GNAO1: variants seen among roughly 807,000 people sequenced by gnomAD.
GNAO1 encodes the protein guanine nucleotide-binding protein G(o) subunit alpha.
For missense variants in GNAO1, 166 were observed against 478.7 expected (o/e 0.35, Z 6.10); for synonymous variants, 164 against 180.7 (o/e 0.91, Z 0.74).
chr16:56,218,062 A>T (rs771720133), intron 2 of GNAO1, among the ~76,000 whole-genome samples: 6 of 152,266 alleles, frequency 3.9e-5, no homozygotes, highest in Non-Finnish European at 1.5e-5. Flanking sequence ...TAGCATTTTT[A>T]TCCTAATGTC....
At chr16:56,345,982 G>T (rs2037863446) in intron 6 of GNAO1, 2 of 985,500 alleles carry the variant, frequency 2.0e-6, no homozygotes, top group African/African-American at 3.5e-5. Context: ...AGAGCACCAG[G>T]CTGGGTCCAG....
intron 2 of GNAO1, among the ~76,000 whole-genome samples, chr16:56,256,710 C>G (rs941175221): frequency 1.0e-3 from 125 of 120,466 alleles, no homozygotes; most frequent in African/African-American, 3.6e-3. Flanking sequence ...CTCTCTCTCT[C>G]TCTCTCTCTG....
intron 6 of GNAO1, among the ~76,000 whole-genome samples, chr16:56,338,647 G>T (rs1394563461): frequency 6.6e-6 from 1 of 152,250 alleles, no homozygotes; most frequent in Non-Finnish European, 1.5e-5. Flanking sequence ...CCCTGGACCT[G>T]CCCTGCCAGG....
At chr16:56,308,842 G>C (rs1286763334) in intron 3 of GNAO1, among the ~76,000 whole-genome samples, 1 of 152,152 alleles carries the variant, frequency 6.6e-6, no homozygotes, top group Admixed American at 6.5e-5. Context: ...AGAAGGAGGA[G>C]GAAGGGGAGG....
chr16:56,357,132 A>G lies in GNAO1; in HGVS notation c.*1058A>G, dbSNP rs1298274201. ...AGCCGCCGTTTTCATGACCAATCCT[A>G]TGTCATTTCTACTTTGACTAATACC... On this transcript the variant is annotated 3_prime_UTR_variant, in exon 9 of 9. Transcript: ENST00000262493. 1 of 152,406 alleles carries G rather than the reference A, an allele frequency of 6.6e-6. No homozygotes were observed. Among genetic ancestry groups the G allele is most frequent in the Non-Finnish European group, 1.5e-5 (1 of 67,996 alleles). 9.4% of individuals were successfully genotyped at this position (152,406 alleles called of 1,614,324 possible).
chr16:56,324,082 GC>G (rs1401157355), intron 3 of GNAO1, among the ~76,000 whole-genome samples: 1 of 152,174 alleles, frequency 6.6e-6, no homozygotes, highest in Non-Finnish European at 1.5e-5. Flanking sequence ...CAACAGGAAG[GC>G]CTAGACCCCT....
At chr16:56,246,401 T>G (rs1381826001) in intron 2 of GNAO1, among the ~76,000 whole-genome samples, 6 of 152,188 alleles carry the variant, frequency 3.9e-5, no homozygotes, top group African/African-American at 1.4e-4. Context: ...CAGGTCACAA[T>G]CTGGAACATC....
At chr16:56,261,421 C>T (rs1300582624) in intron 2 of GNAO1, among the ~76,000 whole-genome samples, 1 of 152,226 alleles carries the variant, frequency 6.6e-6, no homozygotes, top group Non-Finnish European at 1.5e-5. Context: ...GTCCATGCCC[C>T]TTTGTCTCTT....
At chr16:56,333,896 A>T (rs1339074703) in intron 4 of GNAO1, among the ~76,000 whole-genome samples, 1 of 152,194 alleles carries the variant, frequency 6.6e-6, no homozygotes, top group Non-Finnish European at 1.5e-5. Flanking sequence ...GTCTTCCTTC[A>T]GGCCTGGCCC....
At chr16:56,323,822 G>A (rs567510259) in intron 3 of GNAO1, among the ~76,000 whole-genome samples, 76 of 152,288 alleles carry the variant, frequency 5.0e-4, no homozygotes, top group African/African-American at 1.8e-3. Flanking sequence ...ACCGAGGCAG[G>A]GAGCCCATGG....
intron 2 of GNAO1, among the ~76,000 whole-genome samples, chr16:56,208,305 T>A (rs1248760448): frequency 6.6e-6 from 1 of 152,204 alleles, no homozygotes; most frequent in African/African-American, 2.4e-5. Flanking sequence ...TGCTATATAG[T>A]ATTCTTTGTT....
chr16:56,275,477 A>G (rs1331329917), intron 2 of GNAO1, among the ~76,000 whole-genome samples: 2 of 152,222 alleles, frequency 1.3e-5, no homozygotes, highest in African/African-American at 4.8e-5. Flanking sequence ...GAATCATTTT[A>G]CCTTCATTAA....
At chr16:56,289,371 G>A (rs1348872494) in intron 3 of GNAO1, among the ~76,000 whole-genome samples, 1 of 152,198 alleles carries the variant, frequency 6.6e-6, no homozygotes, top group Admixed American at 6.5e-5. Flanking sequence ...GCCCAGGGCT[G>A]GGGACTGTAG....
At chr16:56,277,993 A>AT (rs1279354111) in intron 3 of GNAO1, among the ~76,000 whole-genome samples, 99 of 151,544 alleles carry the variant, frequency 6.5e-4, no homozygotes, top group Admixed American at 3.2e-3. Context: ...TTCCCATGGG[A>AT]TTTTTTTTTC....
At chr16:56,289,106 A>G (rs1459128579) in intron 3 of GNAO1, among the ~76,000 whole-genome samples, 1 of 152,178 alleles carries the variant, frequency 6.6e-6, no homozygotes, top group Non-Finnish European at 1.5e-5. Context: ...TTGAAGACTG[A>G]CTTTCTCTTA....
At chr16:56,266,132 C>T (rs1345952005) in intron 2 of GNAO1, among the ~76,000 whole-genome samples, 1 of 152,224 alleles carries the variant, frequency 6.6e-6, no homozygotes, top group Non-Finnish European at 1.5e-5. Context: ...TTGTTTACTT[C>T]TTTATGCTTT....
intron 2 of GNAO1, among the ~76,000 whole-genome samples, chr16:56,251,134 C>G (rs991854503): frequency 6.6e-6 from 1 of 152,212 alleles, no homozygotes; most frequent in Non-Finnish European, 1.5e-5. Context: ...CCACTTAATC[C>G]TAATAACACC....
Position 56,343,786 on chromosome 16 carries a change from G to C in GNAO1, c.723+6926G>C, listed in dbSNP as rs539641021. The stretch of plus-strand genomic sequence containing the variant: ...AGGCCCCAGCGCCTTCACAGAAGCC[G>C]TGGCTTACATCCAGGCCCAGTACGA... On this transcript the variant is annotated intron_variant, in intron 6 of 8. Transcript: ENST00000262493. The C allele has an allele frequency of 3.1e-6, 5 of 1,613,464 alleles. No individual in the cohort carries two copies. In the Admixed American group the frequency reaches 5.0e-5, roughly 16 times the overall value.
chr16:56,209,231 G>A (rs1284811051), intron 2 of GNAO1, among the ~76,000 whole-genome samples: 22 of 152,124 alleles, frequency 1.4e-4, no homozygotes, highest in Admixed American at 1.4e-3. Context: ...TTCTGTCACT[G>A]TTTCTGTGGG....
Sources: gnomAD v4.1 joint callset for allele counts (sites outside exome capture counted in the v4.1 genomes callset) on GRCh38, gnomAD v4.1.1 for gene constraint, MANE v1.5 for transcripts, NCBI Gene and HGNC (gene_info 2026-07-23, HGNC 2026-07-21) for gene names.